The following ARL15 variants were observed in gnomAD, a reference collection of about 807,000 sequenced individuals.
ARL15 encodes the protein ARF like GTPase 15.
ARL15 carries 19 observed loss-of-function variants against 25.2 expected under a neutral mutation model. That is an observed-to-expected ratio of 0.75 (90% confidence interval 0.53 to 1.10). The LOEUF is 1.10. Ranked by LOEUF, ARL15 falls within the 50% of genes least tolerant of loss-of-function variation. ARL15 has a pLI of 0.00. For synonymous variants in ARL15, 94 were observed against 86.8 expected (o/e 1.08, Z -0.46); for missense variants, 220 against 246.0 (o/e 0.89, Z 0.71).
intron 1 of ARL15, chr5:54,286,375 A>G (rs964788594): frequency 1.3e-5 from 2 of 152,224 alleles, no homozygotes; most frequent in Non-Finnish European, 2.9e-5. Context: ...ACCAATGTCC[A>G]TGGATGGAAT....
chr5:53,911,191 G>A (rs1383307868), intron 4 of ARL15, among the ~76,000 whole-genome samples: 1 of 152,142 alleles, frequency 6.6e-6, no homozygotes, highest in Non-Finnish European at 1.5e-5. Context: ...GGTATGAGAA[G>A]CTTCAACTGA....
At chr5:53,888,537 G>A (rs938985091) in intron 4 of ARL15, among the ~76,000 whole-genome samples, 1 of 152,172 alleles carries the variant, frequency 6.6e-6, no homozygotes, top group African/African-American at 2.4e-5. Flanking sequence ...TGCCACCTCA[G>A]CCTCCAAAAG....
At chr5:54,192,243 C>G (rs1755424190) in intron 1 of ARL15, among the ~76,000 whole-genome samples, 1 of 150,706 alleles carries the variant, frequency 6.6e-6, no homozygotes, top group Non-Finnish European at 1.5e-5. Flanking sequence ...TGCACATGTA[C>G]CCTAAAACTT....
At chr5:53,962,746 T>TA (rs1480040752) in intron 4 of ARL15, among the ~76,000 whole-genome samples, 4 of 152,188 alleles carry the variant, frequency 2.6e-5, no homozygotes. Context: ...ATCAAAGGCC[T>TA]AAAGGATATA....
Position 53,978,378 on chromosome 5 carries a change from C to A in ARL15, c.463-91665G>T, listed in dbSNP as rs114853197. On this transcript the variant is annotated intron_variant, in intron 4 of 4. Transcript: ENST00000504924. The stretch of plus-strand genomic sequence containing the variant: ...GAATAAGAGACTCCTGACATCAAAT[C>A]TTAATGCCCACCCTAATGTTCTAAA... Among the ~76,000 whole-genome samples the A allele has an allele frequency of 2.9e-3, 447 of 152,196 alleles. 1 individual carries two copies. The highest frequency in any genetic ancestry group is 0.01 in the African/African-American group (428 of 41,538).
intron 1 of ARL15, among the ~76,000 whole-genome samples, chr5:54,289,093 G>A (rs1561296871): frequency 6.6e-6 from 1 of 152,194 alleles, no homozygotes. Context: ...CCCCAGGGTG[G>A]CAAGTGTAGC....
At chr5:53,890,183 C>T (rs1744665917) in intron 4 of ARL15, among the ~76,000 whole-genome samples, 1 of 152,112 alleles carries the variant, frequency 6.6e-6, no homozygotes. Flanking sequence ...TATGTTATTA[C>T]AGTAACAATT....
At chr5:54,269,297 G>A (rs557345243) in intron 1 of ARL15, among the ~76,000 whole-genome samples, 1 of 151,936 alleles carries the variant, frequency 6.6e-6, no homozygotes, top group South Asian at 2.1e-4. Flanking sequence ...ATTTTTTCTT[G>A]AATTCATACA....
chr5:54,062,180 C>A (rs997325547), intron 4 of ARL15, among the ~76,000 whole-genome samples: 1 of 152,196 alleles, frequency 6.6e-6, no homozygotes, highest in Non-Finnish European at 1.5e-5. Flanking sequence ...TAGGAAGTAA[C>A]TAACTTGCTT....
At chr5:53,981,707 C>T (rs1748124718) in intron 4 of ARL15, among the ~76,000 whole-genome samples, 2 of 151,862 alleles carry the variant, frequency 1.3e-5, no homozygotes, top group Admixed American at 1.3e-4. Flanking sequence ...ACCAGCCTGA[C>T]CAACATGGAG....
intron 1 of ARL15, among the ~76,000 whole-genome samples, chr5:54,200,453 C>T (rs1490765946): frequency 6.6e-6 from 1 of 151,974 alleles, no homozygotes; most frequent in African/African-American, 2.4e-5. Flanking sequence ...CTTTGAGAAG[C>T]AGCCAAGATA....
At chr5:54,212,392 C>G (rs911783749) in intron 1 of ARL15, among the ~76,000 whole-genome samples, 1 of 152,082 alleles carries the variant, frequency 6.6e-6, no homozygotes, top group Non-Finnish European at 1.5e-5. Flanking sequence ...CCACATCTGT[C>G]CCTTTTCACA....
intron 3 of ARL15, among the ~76,000 whole-genome samples, chr5:54,131,631 G>A (rs762680914): frequency 2.0e-5 from 3 of 152,146 alleles, no homozygotes; most frequent in Non-Finnish European, 2.9e-5. Context: ...ACCAACTAGA[G>A]TCAAAGTTCT....
chr5:53,947,899 A>C (rs1746802671), intron 4 of ARL15, among the ~76,000 whole-genome samples: 1 of 152,230 alleles, frequency 6.6e-6, no homozygotes, highest in Non-Finnish European at 1.5e-5. Context: ...GCAAGAATCT[A>C]GTTTAGAAGA....
chr5:54,022,071 G>T (rs935269281), intron 4 of ARL15, among the ~76,000 whole-genome samples: 1 of 152,134 alleles, frequency 6.6e-6, no homozygotes, highest in African/African-American at 2.4e-5. Context: ...AGGGGCAATT[G>T]AGACATACTC....
intron 3 of ARL15, among the ~76,000 whole-genome samples, chr5:54,130,019 G>C (rs1419820122): frequency 1.3e-5 from 2 of 152,170 alleles, no homozygotes; most frequent in Non-Finnish European, 2.9e-5. Context: ...TGGGAAGATT[G>C]CTTGAGCCCA....
Position 53,886,537 on chromosome 5 carries a change from G to A in ARL15, c.*24C>T. 1 of 1,549,658 alleles carries A rather than the reference G, an allele frequency of 6.5e-7. No homozygotes were observed. The highest frequency in any genetic ancestry group is 8.7e-7 in the Non-Finnish European group (1 of 1,147,378). ...AACATGATAGGTTCAAGGCCTTTTG[G>A]GAGCCTGTTTTCTTTGCCAGATTTC... is the stretch of plus-strand genomic sequence containing the variant. On this transcript the variant is annotated 3_prime_UTR_variant, in exon 5 of 5. Transcript: ENST00000504924.
intron 4 of ARL15, among the ~76,000 whole-genome samples, chr5:53,895,056 C>A (rs970660366): frequency 6.6e-6 from 1 of 152,112 alleles, no homozygotes; most frequent in Non-Finnish European, 1.5e-5. Flanking sequence ...ATGGTATGTC[C>A]CACACGGCCT....
intron 1 of ARL15, among the ~76,000 whole-genome samples, chr5:54,202,408 T>G (rs2112485968): frequency 6.6e-6 from 1 of 152,216 alleles, no homozygotes; most frequent in Admixed American, 6.5e-5. Flanking sequence ...AGAGTCAGAA[T>G]CAGGGAGATG....
Sources: gnomAD v4.1 joint callset for allele counts (sites outside exome capture counted in the v4.1 genomes callset) on GRCh38, gnomAD v4.1.1 for gene constraint, MANE v1.5 for transcripts, NCBI Gene and HGNC (gene_info 2026-07-23, HGNC 2026-07-21) for gene names.